Variants in ST3GAL3 observed in about 807,000 individuals in gnomAD.
ST3GAL3 encodes CMP-N-acetylneuraminate-beta-1,4-galactoside alpha-2,3-sialyltransferase.
In ST3GAL3, 21 loss-of-function variants were observed where a neutral mutation model predicts 50.1. That is an observed-to-expected ratio of 0.42 (90% CI 0.30 to 0.60). The LOEUF (loss-of-function observed/expected upper bound fraction) is 0.60. Among genes scored for constraint, ST3GAL3 ranks in the 20% least tolerant of loss-of-function variants. The pLI is 0.19. For missense variants in ST3GAL3, 353 were observed against 489.4 expected (o/e 0.72, Z 2.63); for synonymous variants, 183 against 190.0 (o/e 0.96, Z 0.30).
intron 2 of ST3GAL3, among the ~76,000 whole-genome samples, chr1:43,769,403 G>A (rs1427242270): frequency 1.3e-5 from 2 of 152,154 alleles, no homozygotes; most frequent in Non-Finnish European, 2.9e-5. Context: ...CTAGCCTGGT[G>A]CACTGAGGCA....
At chr1:43,740,208 A>C (rs1022825783) in intron 2 of ST3GAL3, among the ~76,000 whole-genome samples, 1 of 151,876 alleles carries the variant, frequency 6.6e-6, no homozygotes, top group Non-Finnish European at 1.5e-5. Context: ...TTAAAAATAC[A>C]AAAAATTAGC....
At chr1:43,840,796 C>A (rs1215117336) in intron 5 of ST3GAL3, 3 of 152,174 alleles carry the variant, frequency 2.0e-5, no homozygotes, top group Admixed American at 6.5e-5. Context: ...CAGGGCAGGT[C>A]CCCTGATACT....
intron 9 of ST3GAL3, among the ~76,000 whole-genome samples, chr1:43,903,732 C>G (rs912052529): frequency 5.3e-5 from 8 of 152,164 alleles, no homozygotes; most frequent in African/African-American, 1.9e-4. Context: ...AGACTGAGTC[C>G]CTGATCTTAG....
intron 5 of ST3GAL3, among the ~76,000 whole-genome samples, chr1:43,854,599 C>T (rs1444090106): frequency 6.6e-6 from 1 of 152,190 alleles, no homozygotes; most frequent in Non-Finnish European, 1.5e-5. Flanking sequence ...ATCATATGTG[C>T]TGATGACTCT....
chr1:43,813,412 C>G (rs1386253089), intron 3 of ST3GAL3, among the ~76,000 whole-genome samples: 1 of 151,546 alleles, frequency 6.6e-6, no homozygotes, highest in Non-Finnish European at 1.5e-5. Context: ...TTTTGTTTTT[C>G]TTACCAATGT....
At chr1:43,743,118 A>G (rs79270605) in intron 2 of ST3GAL3, among the ~76,000 whole-genome samples, 2 of 151,288 alleles carry the variant, frequency 1.3e-5, no homozygotes. Context: ...ATTGGGCAGG[A>G]AAAAAAATAA....
chr1:43,856,714 A>AT (rs911395316), intron 5 of ST3GAL3, among the ~76,000 whole-genome samples: 8 of 151,750 alleles, frequency 5.3e-5, no homozygotes, highest in African/African-American at 1.7e-4. Flanking sequence ...CTGCCCACCA[A>AT]TTTTTTTTCA....
intron 2 of ST3GAL3, among the ~76,000 whole-genome samples, chr1:43,774,316 A>G (rs1333916112): frequency 2.0e-5 from 3 of 152,148 alleles, no homozygotes; most frequent in Non-Finnish European, 2.9e-5. Context: ...ATGGAACTAT[A>G]TATCTTATAT....
intron 1 of ST3GAL3, among the ~76,000 whole-genome samples, chr1:43,719,347 C>T (rs1669146274): frequency 1.3e-5 from 2 of 152,078 alleles, no homozygotes; most frequent in South Asian, 4.1e-4. Context: ...TGGCTGGAAT[C>T]AAAACAGCAG....
chr1:43,810,537 C>T (rs2060439393), intron 3 of ST3GAL3, among the ~76,000 whole-genome samples: 2 of 152,098 alleles, frequency 1.3e-5, no homozygotes, highest in Non-Finnish European at 2.9e-5. Context: ...TTTAGTTTTC[C>T]AAAGATTATT....
chr1:43,765,739 G>T (rs1692308275), intron 2 of ST3GAL3, among the ~76,000 whole-genome samples: 1 of 137,230 alleles, frequency 7.3e-6, no homozygotes, highest in Non-Finnish European at 1.6e-5. Flanking sequence ...GTGCATGTGT[G>T]TGTCTGTGTG....
chr1:43,835,085 G>T (rs2064114756), intron 4 of ST3GAL3, among the ~76,000 whole-genome samples: 1 of 152,132 alleles, frequency 6.6e-6, no homozygotes, highest in Admixed American at 6.5e-5. Context: ...TGGTAGTCAC[G>T]TTTGCAGGAC....
intron 5 of ST3GAL3, chr1:43,840,823 T>C (rs1229401113): frequency 6.6e-6 from 1 of 152,160 alleles, no homozygotes; most frequent in African/African-American, 2.4e-5. Context: ...CAAATCTAAA[T>C]TCTTATCTGG....
At chr1:43,928,153 T>A (rs545337296) in intron 11 of ST3GAL3, among the ~76,000 whole-genome samples, 1 of 152,290 alleles carries the variant, frequency 6.6e-6, no homozygotes, top group African/African-American at 2.4e-5. Flanking sequence ...AAAAAATTCA[T>A]TTATTTATTA....
chr1:43,894,667 C>T (rs1404955195), intron 6 of ST3GAL3, among the ~76,000 whole-genome samples, 190 bp downstream of exon 6: 2 of 149,616 alleles, frequency 1.3e-5, no homozygotes, highest in Non-Finnish European at 1.5e-5. Flanking sequence ...TGAGATAGAT[C>T]CTTGCTCTGT....
At chr1:43,759,712 G>A (rs1689582261) in intron 2 of ST3GAL3, among the ~76,000 whole-genome samples, 1 of 152,202 alleles carries the variant, frequency 6.6e-6, no homozygotes, top group South Asian at 2.1e-4. Flanking sequence ...CTTAGCACAA[G>A]TCAAATCAGT....
chr1:43,713,326 A>T (rs977567379), intron 1 of ST3GAL3, among the ~76,000 whole-genome samples: 2 of 152,122 alleles, frequency 1.3e-5, no homozygotes, highest in Non-Finnish European at 2.9e-5. Flanking sequence ...AAAAATTCCT[A>T]CCTTGCCAGG....
intron 4 of ST3GAL3, among the ~76,000 whole-genome samples, chr1:43,827,229 A>G (rs1208447463): frequency 6.6e-6 from 1 of 152,234 alleles, no homozygotes; most frequent in Admixed American, 6.5e-5. Context: ...CAATTAAGGC[A>G]AGTTTTCAGG....
intron 3 of ST3GAL3, among the ~76,000 whole-genome samples, chr1:43,802,825 CG>C (rs2059454839): frequency 2.0e-5 from 3 of 152,116 alleles, no homozygotes; most frequent in South Asian, 4.1e-4. Context: ...ATTTTGTTGC[CG>C]GCAATAAAAT....
Sources: gnomAD v4.1 joint callset for allele counts (sites outside exome capture counted in the v4.1 genomes callset) on GRCh38, gnomAD v4.1.1 for gene constraint, MANE v1.5 for transcripts, NCBI Gene and HGNC (gene_info 2026-07-23, HGNC 2026-07-21) for gene names.